Variants in LRP1B observed in about 807,000 individuals in gnomAD.
LRP1B encodes the protein LDL receptor related protein 1B.
LRP1B carries 217 observed loss-of-function variants against 556.6 expected under a neutral mutation model. That is an observed-to-expected ratio of 0.39 (90% CI 0.35 to 0.44). The LOEUF (loss-of-function observed/expected upper bound fraction) is 0.44, where lower values mean the gene tolerates loss of function less well. Among genes scored for constraint, LRP1B ranks in the 20% least tolerant of loss-of-function variants. The pLI is 1.00. For synonymous variants in LRP1B, 2,047 were observed against 1,865.8 expected (o/e 1.10, Z -2.50); for missense variants, 5,053 against 5,620.8 (o/e 0.90, Z 3.23).
At chr2:141,752,958 A>AAATAAAAAAAT (rs1213083911) in intron 2 of LRP1B, among the ~76,000 whole-genome samples, 1 of 144,958 alleles carries the variant, frequency 6.9e-6, no homozygotes, top group Non-Finnish European at 1.5e-5. Flanking sequence ...AAAAAAAAAA[A>AAATAAAAAAAT]AAATTATGCT....
At chr2:140,397,148 T>C (rs1355949561) in intron 66 of LRP1B, among the ~76,000 whole-genome samples, 1 of 152,184 alleles carries the variant, frequency 6.6e-6, no homozygotes, top group East Asian at 1.9e-4. Flanking sequence ...TTTTTAATTA[T>C]CAAGCCTATA....
Position 140,657,391 on chromosome 2 carries a change from A to T in LRP1B, c.6799+42859T>A, listed in dbSNP as rs868684738. Reference sequence around the variant, plus strand: ...TTTTCTCAGCACTTCGTATCCTAAGACCAGAGTAAATCTTTAGATATATAC... The same window carrying T: ...TTTTCTCAGCACTTCGTATCCTAAGTCCAGAGTAAATCTTTAGATATATAC... On this transcript the variant is annotated intron_variant, in intron 41 of 90. Transcript: ENST00000389484. Among the ~76,000 whole-genome samples, 6 of 151,892 alleles carry T rather than the reference A, an allele frequency of 4.0e-5. No individual in the cohort carries two copies. In the East Asian group the frequency reaches 5.8e-4, roughly 15 times the overall value.
At chr2:142,111,395 T>C (rs186766963) in intron 1 of LRP1B, among the ~76,000 whole-genome samples, 1 of 152,218 alleles carries the variant, frequency 6.6e-6, no homozygotes, top group East Asian at 1.9e-4. Flanking sequence ...AATGTGTGTT[T>C]TGTAAATTAC....
At chr2:140,429,338 C>T (rs1573928495) in intron 66 of LRP1B, among the ~76,000 whole-genome samples, 1 of 152,166 alleles carries the variant, frequency 6.6e-6, no homozygotes, top group East Asian at 1.9e-4. Flanking sequence ...CATATACTCT[C>T]CTATCCTCAA....
intron 41 of LRP1B, among the ~76,000 whole-genome samples, chr2:140,618,912 G>A (rs1209290546): frequency 6.6e-6 from 1 of 151,984 alleles, no homozygotes; most frequent in Non-Finnish European, 1.5e-5. Flanking sequence ...ATTATTTTTT[G>A]TTCGTAAAAT....
chr2:140,980,689 C>G (rs527731840), intron 18 of LRP1B, among the ~76,000 whole-genome samples: 1 of 152,226 alleles, frequency 6.6e-6, no homozygotes, highest in Admixed American at 6.5e-5. Flanking sequence ...ACAGAGATTC[C>G]TCAAAGAACT....
intron 3 of LRP1B, among the ~76,000 whole-genome samples, chr2:141,376,657 G>A (rs1689449908): frequency 6.6e-6 from 1 of 152,012 alleles, no homozygotes; most frequent in Non-Finnish European, 1.5e-5. Flanking sequence ...CTAGATATTT[G>A]AAGTCCAACA....
intron 41 of LRP1B, among the ~76,000 whole-genome samples, chr2:140,602,244 G>A (rs1489822401): frequency 6.6e-6 from 1 of 151,790 alleles, no homozygotes; most frequent in African/African-American, 2.4e-5. Flanking sequence ...TTAATTGCCA[G>A]CTAAAGCATG....
At chr2:140,270,409 G>C in intron 85 of LRP1B, 63 bp from the exon 86 acceptor site, 1 of 1,041,052 alleles carries the variant, frequency 9.6e-7, no homozygotes, top group Non-Finnish European at 1.5e-6. Flanking sequence ...GCTGAAAGCT[G>C]ACATAAACTC....
chr2:141,189,526 A>G (rs746976956), intron 6 of LRP1B, among the ~76,000 whole-genome samples: 149 of 152,026 alleles, frequency 9.8e-4, no homozygotes, highest in Non-Finnish European at 1.6e-3. Flanking sequence ...AACTGCTGCT[A>G]ATAGGAGTAT....
chr2:142,077,078 A>G (rs1408225760), intron 1 of LRP1B, among the ~76,000 whole-genome samples: 1 of 152,118 alleles, frequency 6.6e-6, no homozygotes, highest in Non-Finnish European at 1.5e-5. Context: ...TTTCTGCTTC[A>G]GAGTCACATG....
chr2:141,727,219 C>A (rs1287201690), intron 2 of LRP1B, among the ~76,000 whole-genome samples: 1 of 152,098 alleles, frequency 6.6e-6, no homozygotes, highest in African/African-American at 2.4e-5. Context: ...AAGAACCACA[C>A]CTATATGGGC....
At chr2:141,415,350 T>C (rs1164197996) in intron 3 of LRP1B, among the ~76,000 whole-genome samples, 2 of 152,076 alleles carry the variant, frequency 1.3e-5, no homozygotes, top group African/African-American at 4.8e-5. Context: ...TTTTCTCACA[T>C]GCCCCTTATT....
chr2:141,977,348 G>A (rs1701915697), intron 1 of LRP1B, among the ~76,000 whole-genome samples: 1 of 152,092 alleles, frequency 6.6e-6, no homozygotes, highest in Non-Finnish European at 1.5e-5. Flanking sequence ...AAGGTGGGTG[G>A]ATCACCTGAG....
chr2:140,750,136 T>C (rs1368664033), intron 35 of LRP1B, among the ~76,000 whole-genome samples: 3 of 152,042 alleles, frequency 2.0e-5, no homozygotes, highest in African/African-American at 7.2e-5. Context: ...TATCAATACA[T>C]GTAAAAATTT....
chr2:140,316,729 A>G (rs1315041596), intron 82 of LRP1B, among the ~76,000 whole-genome samples: 2 of 151,180 alleles, frequency 1.3e-5, no homozygotes, highest in African/African-American at 2.5e-5. Flanking sequence ...AGTAAATAAG[A>G]AATGGGAAAA....
chr2:140,908,320 GCTCT>G (rs199947973), intron 21 of LRP1B, among the ~76,000 whole-genome samples: 2 of 138,438 alleles, frequency 1.4e-5, no homozygotes, highest in African/African-American at 5.3e-5. Flanking sequence ...TCATTGCTCT[GCTCT>G]CTCTCTCTCT....
chr2:140,932,504 T>A (rs1302477649), intron 20 of LRP1B, among the ~76,000 whole-genome samples: 1 of 152,128 alleles, frequency 6.6e-6, no homozygotes, highest in Non-Finnish European at 1.5e-5. Context: ...ACAGAATAGG[T>A]TTGCCCACCC....
chr2:141,622,132 C>T (rs1574152709), intron 2 of LRP1B, among the ~76,000 whole-genome samples: 1 of 152,182 alleles, frequency 6.6e-6, no homozygotes, highest in East Asian at 1.9e-4. Context: ...CGCAGGTGAT[C>T]TGCCAGCCTT....
Sources: gnomAD v4.1 joint callset for allele counts (sites outside exome capture counted in the v4.1 genomes callset) on GRCh38, gnomAD v4.1.1 for gene constraint, MANE v1.5 for transcripts, NCBI Gene and HGNC (gene_info 2026-07-23, HGNC 2026-07-21) for gene names.